The following KIF19 variants were observed in gnomAD, a reference collection of about 807,000 sequenced individuals.
The protein encoded by KIF19 is kinesin family member 19, also known as kinesin-like protein KIF19.
A neutral mutation model predicts 106.6 loss-of-function variants in KIF19; 98 were observed. The observed-to-expected ratio is 0.92, with a 90% CI of 0.78 to 1.09. The LOEUF (loss-of-function observed/expected upper bound fraction) is 1.09. Ranked by LOEUF, KIF19 falls within the 50% of genes least tolerant of loss-of-function variation. KIF19 has a pLI of 0.00. For missense variants in KIF19, 1,373 were observed against 1,414.3 expected (o/e 0.97, Z 0.47); for synonymous variants, 516 against 584.2 (o/e 0.88, Z 1.68).
Position 74,342,586 on chromosome 17 carries a change from G to A in KIF19, c.232-44G>A, listed in dbSNP as rs867987095. The A allele has an allele frequency of 3.3e-6, 5 of 1,499,418 alleles. No individual in the cohort carries two copies. In the Middle Eastern group the frequency reaches 5.1e-4, roughly 154 times the overall value. 92.9% of individuals were successfully genotyped at this position (1,499,418 alleles called of 1,614,324 possible). A position where few individuals can be genotyped will look rare whatever the true frequency, so the allele number is the denominator to read the frequency against. On this transcript the variant is annotated intron_variant, in intron 3 of 19. Coordinates refer to ENST00000389916, the MANE Select transcript of KIF19 (RefSeq NM_153209.4). ...AAGAGCCAGTGGGTGCCTGTGCTGT[G>A]CCCCGCCTGTGTCCCGGCCCCTGAC...
chr17:74,344,388 G>T (rs2054471257), intron 6 of KIF19, 40 bp downstream of exon 6: 2 of 1,601,972 alleles, frequency 1.2e-6, no homozygotes, highest in Non-Finnish European at 1.7e-6. Context: ...CTGAGAGGAA[G>T]CTCACCGCCT....
Position 74,344,258 on chromosome 17 carries a change from C to T in KIF19, c.492C>T (p.Pro164=), listed in dbSNP as rs965057975. Reference sequence around the variant, plus strand: ...AGATGATCCGGGACCTGCTGAACCCCTCCCTGGGCTACCTGGAGCTGCGGG... The same window carrying T: ...AGATGATCCGGGACCTGCTGAACCCTTCCCTGGGCTACCTGGAGCTGCGGG... ...YNEMIRDLLN[P]SLGYLELRED... Residue 164 remains proline, a synonymous_variant, in exon 6 of 20, where the codon CCC becomes CCT. Coordinates refer to ENST00000389916, the MANE Select transcript of KIF19 (RefSeq NM_153209.4). The T allele has an allele frequency of 3.7e-6, 6 of 1,612,996 alleles. No homozygotes were observed. The highest frequency in any genetic ancestry group is 5.1e-6 in the Non-Finnish European group (6 of 1,179,794).
intron 5 of KIF19, 64 bp from the exon 6 acceptor site, chr17:74,344,159 C>G (rs771228877): frequency 6.7e-7 from 1 of 1,502,688 alleles, no homozygotes; most frequent in Non-Finnish European, 9.1e-7. Flanking sequence ...GGGGACTCAG[C>G]CCTGGCCTTG....
intron 9 of KIF19, 69 bp from the exon 10 acceptor site, chr17:74,349,115 T>C: frequency 1.3e-6 from 2 of 1,560,768 alleles, no homozygotes; most frequent in African/African-American, 2.7e-5. Context: ...AGAAAGGCCC[T>C]GCAGGCAGGC....
intron 8 of KIF19, among the ~76,000 whole-genome samples, chr17:74,347,071 A>G (rs1348934322): frequency 6.6e-6 from 1 of 152,200 alleles, no homozygotes; most frequent in African/African-American, 2.4e-5. Context: ...CAACTCAGTT[A>G]GGTAATGTTC....
At chr17:74,328,053 C>A (rs1467206455) in intron 1 of KIF19, among the ~76,000 whole-genome samples, 2 of 152,204 alleles carry the variant, frequency 1.3e-5, no homozygotes, top group Non-Finnish European at 2.9e-5. Flanking sequence ...CAGAGCCGTG[C>A]CTGCACCTTC....
chr17:74,353,347 G>A (rs1373013024), intron 16 of KIF19, 46 bp downstream of exon 16: 4 of 1,507,850 alleles, frequency 2.7e-6, no homozygotes, highest in Non-Finnish European at 3.6e-6. Context: ...ACTGCAGCGG[G>A]TGCGGGACAT....
chr17:74,344,920 A>G lies in KIF19; in HGVS notation c.742A>G (p.Met248Val), dbSNP rs2054491973. ...GGAGGTGCGGCAGGGCCGCCTGTTC[A>G]TGATCGACCTGGCTGGCTCAGAGCG... ...LQEVRQGRLF[M>V]IDLAGSERAS... The change falls in exon 7 of 20, where the codon ATG becomes GTG. Residue 248 changes from methionine (M) to valine (V), a missense_variant. This residue lies in a region of KIF19 where 348 missense variants were observed against 389.5 expected (regional missense o/e 0.89). Transcript: ENST00000389916. The G allele has an allele frequency of 1.9e-6, 3 of 1,610,660 alleles. No homozygotes were observed. Among genetic ancestry groups the G allele is most frequent in the African/African-American group, 1.3e-5 (1 of 74,922 alleles).
At chr17:74,348,447 G>C (rs1261867477) in intron 9 of KIF19, 1 of 161,274 alleles carries the variant, frequency 6.2e-6, no homozygotes, top group Non-Finnish European at 1.4e-5. Flanking sequence ...CTGTAAGCAT[G>C]TCGGAACCCT....
chr17:74,344,695 G>A, intron 6 of KIF19, 66 bp from the exon 7 acceptor site: 1 of 1,515,734 alleles, frequency 6.6e-7, no homozygotes, highest in South Asian at 1.2e-5. Flanking sequence ...AGCCCCCTCA[G>A]GGGCTCCTCT....
intron 2 of KIF19, among the ~76,000 whole-genome samples, chr17:74,332,210 TTGTGTG>T (rs71157056): frequency 1.0e-4 from 11 of 108,764 alleles, no homozygotes; most frequent in African/African-American, 3.6e-4. Flanking sequence ...GTGTGTGTGT[TTGTGTG>T]TGTGTGTGTG....
At chr17:74,328,664 T>C in intron 2 of KIF19, 159 bp downstream of exon 2, 2 of 595,916 alleles carry the variant, frequency 3.4e-6, no homozygotes, top group Non-Finnish European at 5.8e-6. Flanking sequence ...CCAAGGAAGC[T>C]GGGGGCTCTT....
chr17:74,341,267 G>A (rs1022817460), intron 2 of KIF19, among the ~76,000 whole-genome samples: 8 of 151,404 alleles, frequency 5.3e-5, no homozygotes, highest in African/African-American at 1.9e-4. Flanking sequence ...GCAGTGAGCC[G>A]AGATCACACC....
intron 3 of KIF19, 86 bp downstream of exon 3, chr17:74,342,072 C>A: frequency 1.1e-6 from 1 of 951,668 alleles, no homozygotes; most frequent in Non-Finnish European, 1.6e-6. Flanking sequence ...GGGCCCCTGC[C>A]TTTGAACCTC....
chr17:74,349,587 G>A (rs531812716), intron 10 of KIF19, among the ~76,000 whole-genome samples: 14 of 152,348 alleles, frequency 9.2e-5, no homozygotes, highest in African/African-American at 3.1e-4. Context: ...GGAAGAGTAG[G>A]TGGGATCCCA....
chr17:74,328,324 G>A lies in KIF19; in HGVS notation c.40-101G>A. The A allele has an allele frequency of 5.7e-6, 6 of 1,056,142 alleles. No homozygotes were observed. The South Asian group carries it at 8.5e-5, about 15-fold the overall frequency. The allele number at this position is 1,056,142 out of a possible 1,614,324, so 65.4% of individuals were successfully genotyped here. A position where few individuals can be genotyped will look rare whatever the true frequency, so the allele number is the denominator to read the frequency against. ...TTTACTTAGGACAAGGGAGGCCTGAGATGGCTGAATGCTAGAGAAGCCAGG... is the reference window on the plus strand; with the variant it reads ...TTTACTTAGGACAAGGGAGGCCTGAAATGGCTGAATGCTAGAGAAGCCAGG... On this transcript the variant is annotated intron_variant, in intron 1 of 19. Coordinates refer to ENST00000389916, the MANE Select transcript of KIF19 (RefSeq NM_153209.4).
chr17:74,341,919 T>C lies in KIF19; in HGVS notation c.164T>C (p.Leu55Pro). The change falls in exon 3 of 20, where the codon CTG (leucine) becomes CCG (proline). Residue 55 changes from leucine (L) to proline (P), a missense_variant. Around this residue, in one of 3 missense-constraint regions of KIF19, gnomAD observed 348 missense variants for 389.5 expected, o/e 0.89. Transcript: ENST00000389916. ...MDPMEDPDDI[L>P]RAHRSREKSY... Reference sequence around the variant, plus strand: ...CCAATGGAGGATCCCGACGACATCCTGCGGGCGCATCGCTCCCGGGAGAAG... The same window carrying C: ...CCAATGGAGGATCCCGACGACATCCCGCGGGCGCATCGCTCCCGGGAGAAG... 3 of 1,613,702 alleles carry C rather than the reference T, an allele frequency of 1.9e-6. No individual in the cohort carries two copies. The highest frequency in any genetic ancestry group is 2.5e-6 in the Non-Finnish European group (3 of 1,179,830).
chr17:74,353,553 C>G lies in KIF19; in HGVS notation c.2280C>G (p.Asn760Lys), dbSNP rs200259858. 1.2e-6 allele frequency: 2 copies of G among 1,613,674 alleles called. No homozygotes were observed. Among genetic ancestry groups the G allele is most frequent in the Admixed American group, 3.3e-5 (2 of 60,000 alleles). The change falls in exon 17 of 20, where the codon AAC becomes AAG. Residue 760 changes from asparagine (N) to lysine (K), a missense_variant. Physicochemically the swap from Asn to Lys is moderately conservative, Grantham distance 94. This residue lies in a region of KIF19 where 1,020 missense variants were observed against 1,008.2 expected (regional missense o/e 1.01). Coordinates refer to ENST00000389916, the MANE Select transcript of KIF19 (RefSeq NM_153209.4). ...WINSSPDSSE[N>K]LSEIPLSHKE... ...ACTCTTCCCCTGACAGCAGTGAGAA[C>G]CTGTCGGAGATCCCCTTGTCCCACA...
At chr17:74,349,927 T>C (rs1430133514) in intron 10 of KIF19, among the ~76,000 whole-genome samples, 5 of 151,964 alleles carry the variant, frequency 3.3e-5, no homozygotes, top group Admixed American at 1.3e-4. Flanking sequence ...GCCTCCCAAG[T>C]AGCTGGGATT....
Sources: allele counts gnomAD v4.1 joint callset (sites outside exome capture counted in the v4.1 genomes callset), GRCh38; gene constraint gnomAD v4.1.1; regional missense constraint gnomAD v4.1.1; transcripts MANE v1.5; gene names NCBI Gene and HGNC (gene_info 2026-07-23, HGNC 2026-07-21).